The following KCNC2 variants were observed in gnomAD, a reference collection of about 807,000 sequenced individuals.
The protein encoded by KCNC2 is voltage-gated potassium channel KCNC2.
A neutral mutation model predicts 44.5 loss-of-function variants in KCNC2; 21 were observed. The ratio of observed to expected loss-of-function variants is 0.47; its 90% CI spans 0.33 to 0.68. The LOEUF (loss-of-function observed/expected upper bound fraction) is 0.68. Among genes scored for constraint, KCNC2 ranks in the 30% least tolerant of loss-of-function variants. KCNC2 has a pLI of 0.01. For missense variants in KCNC2, 589 were observed against 826.2 expected, an observed-to-expected ratio of 0.71 and a Z score of 3.52; for synonymous variants, 391 against 339.1, an observed-to-expected ratio of 1.15 and a Z score of -1.68.
intron 2 of KCNC2, among the ~76,000 whole-genome samples, chr12:75,135,207 G>C (rs981080106): frequency 6.6e-6 from 1 of 151,608 alleles, no homozygotes; most frequent in African/African-American, 2.4e-5. Context: ...AGAATAGCAG[G>C]GTTCATTAGG....
intron 2 of KCNC2, among the ~76,000 whole-genome samples, chr12:75,086,674 AAAAAAAAAT>A (rs1480119931): frequency 0.014 from 1,153 of 85,250 alleles, 13 homozygotes; most frequent in Non-Finnish European, 0.017. Flanking sequence ...AAAAAAAAAA[AAAAAAAAAT>A]ATATATATAT....
At chr12:75,185,212 C>T (rs1361597876) in intron 2 of KCNC2, among the ~76,000 whole-genome samples, 2 of 152,112 alleles carry the variant, frequency 1.3e-5, no homozygotes, top group African/African-American at 2.4e-5. Context: ...TTATGAACAT[C>T]TTTGGGCTAT....
At chr12:75,049,469 A>G (rs1880932420) in intron 3 of KCNC2, among the ~76,000 whole-genome samples, 1 of 152,080 alleles carries the variant, frequency 6.6e-6, no homozygotes, top group South Asian at 2.1e-4. Context: ...AATCTGCAAA[A>G]TATTTTACCT....
In KCNC2 at chr12:75,138,417, C is replaced by T. The variant is rs915565391; in HGVS notation, c.687+68880G>A. On this transcript the variant is annotated intron_variant, in intron 2 of 4. Coordinates refer to ENST00000549446, the MANE Select transcript of KCNC2 (RefSeq NM_139137.4). ...GTTACAAAGTGTGTTTTTAGACTACCTGTTTTCAGAATCACTTGAGTGCTT... is the reference window on the plus strand; with the variant it reads ...GTTACAAAGTGTGTTTTTAGACTACTTGTTTTCAGAATCACTTGAGTGCTT... Among the ~76,000 whole-genome samples, 3 of 152,188 alleles carry T rather than the reference C, an allele frequency of 2.0e-5. 1 individual carries two copies. The highest frequency in any genetic ancestry group is 2.0e-4 in the Admixed American group (3 of 15,296).
chr12:75,041,583 G>C lies in KCNC2; in HGVS notation c.*1522C>G. The C allele has an allele frequency of 9.5e-7, 1 of 1,052,432 alleles. No homozygotes were observed. Among genetic ancestry groups the C allele is most frequent in the Non-Finnish European group, 1.2e-6 (1 of 868,676 alleles). 65.2% of individuals were successfully genotyped at this position (1,052,432 alleles called of 1,614,324 possible). On this transcript the variant is annotated 3_prime_UTR_variant, in exon 5 of 5. Transcript: ENST00000549446. ...CTCACATGCTCAATACATGAGACAC[G>C]CTATTGCTGTTGAATTCATAGGAAT...
intron 2 of KCNC2, among the ~76,000 whole-genome samples, chr12:75,088,305 C>T (rs73359211): frequency 0.027 from 4,166 of 152,092 alleles, 211 homozygotes; most frequent in African/African-American, 0.093. Flanking sequence ...ATTCCATAAA[C>T]ATGTGATAAT....
chr12:75,105,841 A>G (rs1209048581), intron 2 of KCNC2, among the ~76,000 whole-genome samples: 1 of 152,116 alleles, frequency 6.6e-6, no homozygotes, highest in African/African-American at 2.4e-5. Flanking sequence ...GGAGATGTCA[A>G]TTAAAGTTGA....
At chr12:75,067,695 GA>G (rs576875842) in intron 2 of KCNC2, among the ~76,000 whole-genome samples, 199 of 152,254 alleles carry the variant, frequency 1.3e-3, no homozygotes, top group African/African-American at 4.2e-3. Flanking sequence ...TCTAAGTGTA[GA>G]AAAGTCTTAA....
At chr12:75,157,604 T>A (rs1890850612) in intron 2 of KCNC2, among the ~76,000 whole-genome samples, 1 of 151,930 alleles carries the variant, frequency 6.6e-6, no homozygotes, top group Non-Finnish European at 1.5e-5. Flanking sequence ...TTTGAGTCAT[T>A]TGTGCCTGAG....
Position 75,107,347 on chromosome 12 carries a change from T to A in KCNC2, c.688-56030A>T, listed in dbSNP as rs564322103. On this transcript the variant is annotated intron_variant, in intron 2 of 4. Transcript: ENST00000549446. ...GGCAATAATAATAACAATAACAATA[T>A]CATGGGGATATGGAGTTGAAAGAGT... 2.2e-4 allele frequency among the ~76,000 whole-genome samples: 33 copies of A among 152,144 alleles called. 1 individual carries two copies. In the South Asian group the frequency reaches 6.8e-3, roughly 32 times the overall value.
chr12:75,192,196 T>G (rs2030345289), intron 2 of KCNC2, among the ~76,000 whole-genome samples: 1 of 152,230 alleles, frequency 6.6e-6, no homozygotes, highest in Non-Finnish European at 1.5e-5. Flanking sequence ...TAGGGATTCT[T>G]TCTTTTTCCT....
intron 2 of KCNC2, among the ~76,000 whole-genome samples, chr12:75,096,129 C>T (rs1177347112): frequency 6.6e-6 from 1 of 151,902 alleles, no homozygotes; most frequent in Admixed American, 6.6e-5. Context: ...AGACAAATAC[C>T]ACAGTTGGCA....
chr12:75,191,625 A>G (rs1329366701), intron 2 of KCNC2, among the ~76,000 whole-genome samples: 1 of 137,928 alleles, frequency 7.3e-6, no homozygotes, highest in Non-Finnish European at 1.5e-5. Flanking sequence ...ATCTCGGCTC[A>G]CTGCAAGCTC....
chr12:75,136,599 C>A (rs1889247203), intron 2 of KCNC2, among the ~76,000 whole-genome samples: 1 of 152,080 alleles, frequency 6.6e-6, no homozygotes, highest in African/African-American at 2.4e-5. Flanking sequence ...TGGAAACATA[C>A]AGCCTCCCAA....
intron 2 of KCNC2, among the ~76,000 whole-genome samples, chr12:75,179,477 T>C (rs1892409466): frequency 6.6e-6 from 1 of 151,860 alleles, no homozygotes; most frequent in South Asian, 2.1e-4. Context: ...ATTCTTATTA[T>C]ATGAGAAAAA....
chr12:75,045,823 G>A (rs76224171), intron 4 of KCNC2, among the ~76,000 whole-genome samples: 3,340 of 151,828 alleles, frequency 0.022, 101 homozygotes, highest in African/African-American at 0.072. Context: ...GCCCAATTAC[G>A]TTCATATTTT....
At chr12:75,129,044 GA>G (rs1252393105) in intron 2 of KCNC2, among the ~76,000 whole-genome samples, 1 of 152,214 alleles carries the variant, frequency 6.6e-6, no homozygotes, top group African/African-American at 2.4e-5. Context: ...GGTTCATAAT[GA>G]GGTTACCAGG....
chr12:75,067,534 G>C (rs933898668), intron 2 of KCNC2, among the ~76,000 whole-genome samples: 1 of 152,102 alleles, frequency 6.6e-6, no homozygotes, highest in Non-Finnish European at 1.5e-5. Context: ...ATATGGAAAG[G>C]CTTCTCTGTG....
intron 2 of KCNC2, among the ~76,000 whole-genome samples, chr12:75,125,133 C>G (rs926210877): frequency 5.9e-5 from 9 of 151,970 alleles, no homozygotes; most frequent in Non-Finnish European, 1.3e-4. Flanking sequence ...AGTTTCTGGG[C>G]AAAAATGGTA....
Sources: allele counts gnomAD v4.1 joint callset (sites outside exome capture counted in the v4.1 genomes callset), GRCh38; gene constraint gnomAD v4.1.1; transcripts MANE v1.5; gene names NCBI Gene and HGNC (gene_info 2026-07-23, HGNC 2026-07-21).